Variants in TRIP12 observed in about 807,000 individuals in gnomAD.
TRIP12 encodes thyroid hormone receptor interactor 12, also known as E3 ubiquitin-protein ligase TRIP12.
A neutral mutation model predicts 244.2 loss-of-function variants in TRIP12; 25 were observed. The ratio of observed to expected loss-of-function variants is 0.10; its 90% confidence interval spans 0.07 to 0.14. The LOEUF (loss-of-function observed/expected upper bound fraction) is 0.14, where lower values mean the gene tolerates loss of function less well. TRIP12 is among the 10% of genes least tolerant of loss of function. The pLI, the probability that TRIP12 is intolerant of heterozygous loss-of-function variation, is 1.00. For missense variants in TRIP12, 1,677 were observed against 2,486.4 expected (o/e 0.67, Z 6.92); for synonymous variants, 905 against 873.1 (o/e 1.04, Z -0.64).
At chr2:229,903,157 T>G (rs2071567293) in intron 1 of TRIP12, among the ~76,000 whole-genome samples, 1 of 152,074 alleles carries the variant, frequency 6.6e-6, no homozygotes, top group African/African-American at 2.4e-5. Context: ...TCTTTTCTTC[T>G]TCCTGACTCA....
chr2:229,768,481 G>T, intron 41 of TRIP12, 135 bp downstream of exon 41: 2 of 734,804 alleles, frequency 2.7e-6, no homozygotes, highest in African/African-American at 1.8e-5. Flanking sequence ...TGGTCTCAAT[G>T]TACTATAATG....
chr2:229,907,219 T>C (rs1185947356), intron 1 of TRIP12, among the ~76,000 whole-genome samples: 2 of 152,202 alleles, frequency 1.3e-5, no homozygotes, highest in African/African-American at 4.8e-5. Flanking sequence ...CAAATACTAT[T>C]TGATCACTCA....
At chr2:229,803,716 A>C in intron 19 of TRIP12, 27 bp from the exon 20 acceptor site, 1 of 1,506,796 alleles carries the variant, frequency 6.6e-7, no homozygotes, top group Non-Finnish European at 9.1e-7. Flanking sequence ...TTTGTATATA[A>C]AACTCTGCCT....
Position 229,859,537 on chromosome 2 carries a change from G to T in TRIP12, c.262C>A (p.Pro88Thr), listed in dbSNP as rs755281314. The T allele has an allele frequency of 1.2e-6, 2 of 1,613,830 alleles. No homozygotes were observed. Among genetic ancestry groups the T allele is most frequent in the African/African-American group, 2.7e-5 (2 of 74,878 alleles). Residue 88 changes from proline to threonine, a missense_variant, in exon 4 of 42, where the codon CCA (proline) becomes ACA (threonine). By Grantham distance (38) the Pro-to-Thr change is conservative. Transcript: ENST00000675903. ...GTATTGGCTCTGTCTGGATCCTCTG[G>T]TTGTGGAACTATCACAGCAGATGAT... ...SSSSAVIVPQ[P>T]EDPDRANTSE...
intron 4 of TRIP12, among the ~76,000 whole-genome samples, chr2:229,855,627 GAA>G (rs1285750175): frequency 1.0e-5 from 1 of 96,132 alleles, no homozygotes; most frequent in African/African-American, 3.9e-5. Context: ...AAAAAAAAGA[GAA>G]AAGAAAATGC....
chr2:229,863,704 T>C (rs2060855721), intron 2 of TRIP12, among the ~76,000 whole-genome samples: 1 of 152,138 alleles, frequency 6.6e-6, no homozygotes, highest in South Asian at 2.1e-4. Context: ...TGCTGCAAAG[T>C]AAATCTCCAT....
intron 4 of TRIP12, among the ~76,000 whole-genome samples, chr2:229,855,171 A>G (rs958653997): frequency 6.6e-5 from 10 of 152,054 alleles, no homozygotes; most frequent in African/African-American, 2.4e-4. Context: ...GGAGGCTGAG[A>G]TAGGAGAATC....
intron 2 of TRIP12, among the ~76,000 whole-genome samples, chr2:229,867,519 A>C (rs1022474082): frequency 3.0e-4 from 45 of 152,032 alleles, no homozygotes; most frequent in Admixed American, 2.9e-3. Flanking sequence ...GGAGGAAAAC[A>C]CCACTATTAA....
At chr2:229,872,799 C>G (rs2062909140) in intron 2 of TRIP12, among the ~76,000 whole-genome samples, 1 of 152,194 alleles carries the variant, frequency 6.6e-6, no homozygotes, top group Admixed American at 6.5e-5. Context: ...TTACAAGACT[C>G]AAGTCTACTT....
intron 4 of TRIP12, among the ~76,000 whole-genome samples, chr2:229,846,599 G>A (rs746836181): frequency 6.6e-6 from 1 of 151,880 alleles, no homozygotes; most frequent in Non-Finnish European, 1.5e-5. Context: ...TGTGGTGGCT[G>A]GGAACTGAGT....
Position 229,798,860 on chromosome 2 carries a change from C to CAT in TRIP12, c.3482+14_3482+15insAT. On this transcript the variant is annotated intron_variant, in intron 23 of 41. Coordinates refer to ENST00000675903, the MANE Select transcript of TRIP12 (RefSeq NM_001348323.3). ...ATATGGGAATAGAAGAAACATAAAA[C>CAT]TCCCCCCACTTCACCTATTATTGGA... 2 of 1,609,406 alleles carry CAT rather than the reference C, an allele frequency of 1.2e-6. No homozygotes were observed. The highest frequency in any genetic ancestry group is 1.7e-6 in the Non-Finnish European group (2 of 1,178,502).
At position 229,863,250 on chromosome 2, in the gene TRIP12, G is replaced by GA. The variant is rs1324109738; in HGVS notation, c.99-2720dup. ...TCTCGAAAAAAAAAAAAGAAAGAAA[G>GA]AAAAAAAAAAAATCAACAATGCCCA... On this transcript the variant is annotated intron_variant, in intron 2 of 41. Transcript: ENST00000675903. Among the ~76,000 whole-genome samples, 1,079 of 122,514 alleles carry GA rather than the reference G, an allele frequency of 8.8e-3. 3 individuals carry two copies. Among genetic ancestry groups the GA allele is most frequent in the African/African-American group, 0.014 (479 of 33,310 alleles). 80.4% of individuals were successfully genotyped at this position (122,514 alleles called of 152,430 possible).
Position 229,764,301 on chromosome 2 carries a change from C to A in TRIP12, c.*3253G>T, listed in dbSNP as rs527354452. The A allele has an allele frequency of 1.3e-5, 2 of 152,092 alleles. No homozygotes were observed. Among genetic ancestry groups the A allele is most frequent in the South Asian group, 4.1e-4 (2 of 4,826 alleles). 9.4% of individuals were successfully genotyped at this position (152,092 alleles called of 1,614,324 possible). On this transcript the variant is annotated 3_prime_UTR_variant, in exon 42 of 42. Transcript: ENST00000675903. ...TGCAATGTCAAACCTAAGACTTATA[C>A]AAAAGCATTTCTCAGAGAATCATAA... is the stretch of plus-strand genomic sequence containing the variant.
rs771130278 is a variant in TRIP12, at chr2:229,793,161, GA to G, written c.3969-17del. On this transcript the variant is annotated splice_polypyrimidine_tract_variant and intron_variant, in intron 26 of 41. Coordinates refer to ENST00000675903, the MANE Select transcript of TRIP12 (RefSeq NM_001348323.3). ...GAGAGAAAAGCTCAAGATAATTTGTGAAAAAAAAGTTAGTCTATTATTTTCA... is the reference window on the plus strand; with the variant it reads ...GAGAGAAAAGCTCAAGATAATTTGTGAAAAAAAGTTAGTCTATTATTTTCA... The G allele has an allele frequency of 4.4e-6, 7 of 1,588,200 alleles. No homozygotes were observed. Among genetic ancestry groups the G allele is most frequent in the South Asian group, 1.2e-5 (1 of 86,866 alleles).
intron 2 of TRIP12, among the ~76,000 whole-genome samples, chr2:229,879,572 G>A (rs561132223): frequency 6.6e-6 from 1 of 152,326 alleles, no homozygotes; most frequent in African/African-American, 2.4e-5. Flanking sequence ...GAGGACAAAA[G>A]CTCAAAAGCT....
At chr2:229,818,638 C>G in intron 8 of TRIP12, 126 bp from the exon 9 acceptor site, 3 of 877,604 alleles carry the variant, frequency 3.4e-6, no homozygotes, top group South Asian at 1.9e-5. Flanking sequence ...TAGGTCTATA[C>G]CAGGGTTAAG....
intron 8 of TRIP12, among the ~76,000 whole-genome samples, chr2:229,827,698 T>C (rs1164391790): frequency 6.6e-6 from 1 of 152,218 alleles, no homozygotes; most frequent in Non-Finnish European, 1.5e-5. Flanking sequence ...TTACAGTTAA[T>C]GTTCTTCTTT....
intron 5 of TRIP12, 90 bp from the exon 6 acceptor site, chr2:229,837,074 A>C (rs1221655425): frequency 5.4e-6 from 7 of 1,307,338 alleles, no homozygotes; most frequent in Non-Finnish European, 6.9e-6. Context: ...ATGGAGCACA[A>C]AGCCAGTTTC....
intron 9 of TRIP12, among the ~76,000 whole-genome samples, chr2:229,815,850 T>C (rs1049420624): frequency 6.6e-6 from 1 of 152,132 alleles, no homozygotes; most frequent in African/African-American, 2.4e-5. Context: ...AGAAACTAAT[T>C]ATGCACTAAT....
Sources: allele counts gnomAD v4.1 joint callset (sites outside exome capture counted in the v4.1 genomes callset), GRCh38; gene constraint gnomAD v4.1.1; transcripts MANE v1.5; gene names NCBI Gene and HGNC (gene_info 2026-07-23, HGNC 2026-07-21).